Variants in AKIRIN1 observed in about 807,000 individuals in gnomAD.
The protein encoded by AKIRIN1 is akirin-1.
AKIRIN1 carries 4 observed loss-of-function variants against 25.9 expected under a neutral mutation model. That is an observed-to-expected ratio of 0.15 (90% CI 0.08 to 0.35). The LOEUF (loss-of-function observed/expected upper bound fraction) is 0.35. Among genes scored for constraint, AKIRIN1 ranks in the 10% least tolerant of loss-of-function variants. AKIRIN1 has a pLI of 1.00. For synonymous variants in AKIRIN1, 125 were observed against 105.1 expected, an observed-to-expected ratio of 1.19 and a Z score of -1.16; for missense variants, 243 against 266.1, an observed-to-expected ratio of 0.91 and a Z score of 0.61.
At position 38,991,659 on chromosome 1, in the gene AKIRIN1, GT is replaced by G. The variant is rs1453311862; in HGVS notation, c.220+60del. 578 of 972,180 alleles carry G rather than the reference GT, an allele frequency of 5.9e-4. 3 individuals carry two copies. The highest frequency in any genetic ancestry group is 3.2e-3 in the African/African-American group (186 of 57,800). 60.2% of individuals were successfully genotyped at this position (972,180 alleles called of 1,614,324 possible). A position where few individuals can be genotyped will look rare whatever the true frequency, so the allele number is the denominator to read the frequency against. ...CAGGCCCAGGCATTTTTTGGGGGGG[GT>G]GGTGGGGGAGGGTTGGGAATACCAG... On this transcript the variant is annotated intron_variant, in intron 1 of 4. Transcript: ENST00000432648.
intron 3 of AKIRIN1, 116 bp downstream of exon 3, chr1:39,001,222 C>G: frequency 8.4e-7 from 1 of 1,196,324 alleles, no homozygotes; most frequent in South Asian, 1.8e-5. Flanking sequence ...TATTGAGTTG[C>G]GGGTATGGAA....
intron 1 of AKIRIN1, among the ~76,000 whole-genome samples, chr1:38,995,740 C>G (rs1643942776): frequency 6.6e-6 from 1 of 152,160 alleles, no homozygotes; most frequent in African/African-American, 2.4e-5. Context: ...AATAAGACAT[C>G]TTAAAATACA....
At position 39,004,259 on chromosome 1, in the gene AKIRIN1, A is replaced by G. The variant is rs748814525; in HGVS notation, c.*204A>G. ...CATATCTTTCTTTTCTGCTCATCCA[A>G]TAAACAGCTGTGCCCTACTGTGATA... is the stretch of plus-strand genomic sequence containing the variant. On this transcript the variant is annotated 3_prime_UTR_variant, in exon 5 of 5. Transcript: ENST00000432648. 7 of 708,594 alleles carry G rather than the reference A, an allele frequency of 9.9e-6. No individual in the cohort carries two copies. Among genetic ancestry groups the G allele is most frequent in the East Asian group, 2.7e-5 (1 of 36,576 alleles). 43.9% of individuals were successfully genotyped at this position (708,594 alleles called of 1,614,324 possible).
intron 3 of AKIRIN1, among the ~76,000 whole-genome samples, 177 bp downstream of exon 3, chr1:39,001,283 CTTT>C (rs768516800): frequency 1.2e-4 from 14 of 116,506 alleles, no homozygotes; most frequent in Admixed American, 1.8e-4. Flanking sequence ...TATGGAAGGA[CTTT>C]TTTTTTTTTT....
At chr1:38,997,989 A>G (rs891216759) in intron 1 of AKIRIN1, among the ~76,000 whole-genome samples, 182 bp from the exon 2 acceptor site, 2 of 152,036 alleles carry the variant, frequency 1.3e-5, no homozygotes, top group Non-Finnish European at 1.5e-5. Flanking sequence ...GCCACTGGGG[A>G]GTGCTTGGTA....
At chr1:39,001,164 C>G in intron 3 of AKIRIN1, 58 bp downstream of exon 3, 2 of 1,537,390 alleles carry the variant, frequency 1.3e-6, no homozygotes, top group Non-Finnish European at 1.8e-6. Context: ...AAATTAACAC[C>G]AGTTAAATAA....
chr1:39,004,114 T>C lies in AKIRIN1; in HGVS notation c.*59T>C, dbSNP rs558298991. 6 of 1,568,484 alleles carry C rather than the reference T, an allele frequency of 3.8e-6. No individual in the cohort carries two copies. Among genetic ancestry groups the C allele is most frequent in the South Asian group, 3.3e-5 (3 of 90,108 alleles). On this transcript the variant is annotated 3_prime_UTR_variant, in exon 5 of 5. Coordinates refer to ENST00000432648, the MANE Select transcript of AKIRIN1 (RefSeq NM_024595.3). ...CTCAAGAGATGGCTGCTGTACACTT[T>C]TTGCAACTGGTTTGATGTCACATTT...
intron 4 of AKIRIN1, 133 bp from the exon 5 acceptor site, chr1:39,003,912 T>G: frequency 1.4e-6 from 1 of 720,302 alleles, no homozygotes; most frequent in East Asian, 2.7e-5. Context: ...AAATTCTTGA[T>G]CTTTAGTATC....
chr1:39,001,171 A>G lies in AKIRIN1; in HGVS notation c.496+65A>G, dbSNP rs1643988400. ...TCAGTTAAAAATTAACACCAGTTAA[A>G]TAACTTAGAAAAAGAGAGTAGGACC... On this transcript the variant is annotated intron_variant, in intron 3 of 4. Transcript: ENST00000432648. The G allele has an allele frequency of 7.2e-6, 11 of 1,528,840 alleles. No homozygotes were observed. The South Asian group carries it at 9.0e-5, about 13-fold the overall frequency. 94.7% of individuals were successfully genotyped at this position (1,528,840 alleles called of 1,614,324 possible).
Position 39,003,562 on chromosome 1 carries a change from C to T in AKIRIN1, c.568+144C>T, listed in dbSNP as rs1644010784. On this transcript the variant is annotated intron_variant, in intron 4 of 4. Coordinates refer to ENST00000432648, the MANE Select transcript of AKIRIN1 (RefSeq NM_024595.3). ...TAAGAGTATTAAATCCACACCAAAG[C>T]TTATATAAGCCTCACAGTGACCCTA... is the stretch of plus-strand genomic sequence containing the variant. 4 of 710,740 alleles carry T rather than the reference C, an allele frequency of 5.6e-6. No individual in the cohort carries two copies. In the Admixed American group the frequency reaches 1.1e-4, roughly 20 times the overall value. The allele number at this position is 710,740 out of a possible 1,614,324, so 44.0% of individuals were successfully genotyped here. A position where few individuals can be genotyped will look rare whatever the true frequency, so the allele number is the denominator to read the frequency against.
intron 1 of AKIRIN1, among the ~76,000 whole-genome samples, chr1:38,992,820 C>G (rs1033393395): frequency 6.6e-6 from 1 of 152,134 alleles, no homozygotes; most frequent in African/African-American, 2.4e-5. Context: ...TTTTTCCCTT[C>G]TATTTGCTAA....
At chr1:39,000,110 C>T (rs1029368630) in intron 2 of AKIRIN1, among the ~76,000 whole-genome samples, 15 of 152,002 alleles carry the variant, frequency 9.9e-5, no homozygotes, top group South Asian at 8.3e-4. Flanking sequence ...TCTCGAACTC[C>T]TGACCTCAAG....
At chr1:38,998,359 G>A (rs777466770) in intron 2 of AKIRIN1, 48 bp downstream of exon 2, 8 of 1,540,412 alleles carry the variant, frequency 5.2e-6, no homozygotes, top group Middle Eastern at 1.7e-4. Flanking sequence ...TTTGTAAATG[G>A]TACTTATAAT....
Position 39,004,195 on chromosome 1 carries a change from A to G in AKIRIN1, c.*140A>G, listed in dbSNP as rs747493258. 3.1e-5 allele frequency: 29 copies of G among 946,618 alleles called. No individual in the cohort carries two copies. Among genetic ancestry groups the G allele is most frequent in the Non-Finnish European group, 4.5e-5 (26 of 580,198 alleles). The allele number at this position is 946,618 out of a possible 1,614,324, so 58.6% of individuals were successfully genotyped here. On this transcript the variant is annotated 3_prime_UTR_variant, in exon 5 of 5. Coordinates refer to ENST00000432648, the MANE Select transcript of AKIRIN1 (RefSeq NM_024595.3). ...AAACGTTTCTGCAGGTCCATTTTATACAACTTGAAAGACCGTAAAACTTTC... is the reference window on the plus strand; with the variant it reads ...AAACGTTTCTGCAGGTCCATTTTATGCAACTTGAAAGACCGTAAAACTTTC...
At chr1:39,000,537 CAG>C (rs1007732858) in intron 2 of AKIRIN1, among the ~76,000 whole-genome samples, 7 of 151,402 alleles carry the variant, frequency 4.6e-5, no homozygotes, top group South Asian at 2.1e-4. Flanking sequence ...TAAGTAGAGA[CAG>C]GGGTTTCTCC....
chr1:38,993,220 T>C (rs1282101626), intron 1 of AKIRIN1, among the ~76,000 whole-genome samples: 2 of 152,178 alleles, frequency 1.3e-5, no homozygotes, highest in Non-Finnish European at 2.9e-5. Flanking sequence ...TCTAGACTAA[T>C]TTGGTTGTAG....
chr1:38,998,774 C>T (rs1643966767), intron 2 of AKIRIN1, among the ~76,000 whole-genome samples: 1 of 151,786 alleles, frequency 6.6e-6, no homozygotes, highest in South Asian at 2.1e-4. Context: ...GGCATGGTGG[C>T]TCGCAGCTGT....
At chr1:38,992,770 G>A (rs758491131) in intron 1 of AKIRIN1, among the ~76,000 whole-genome samples, 19 of 151,934 alleles carry the variant, frequency 1.3e-4, no homozygotes, top group Non-Finnish European at 8.8e-5. Context: ...CTGTGCCTCT[G>A]CTTTTTCCCC....
intron 1 of AKIRIN1, 42 bp downstream of exon 1, chr1:38,991,642 G>A: frequency 7.4e-6 from 5 of 673,842 alleles, no homozygotes; most frequent in Admixed American, 5.8e-5. Flanking sequence ...GCCAGGCCCA[G>A]GCATTTTTTG....
Sources: allele counts gnomAD v4.1 joint callset (sites outside exome capture counted in the v4.1 genomes callset), GRCh38; gene constraint gnomAD v4.1.1; transcripts MANE v1.5; gene names NCBI Gene and HGNC (gene_info 2026-07-23, HGNC 2026-07-21).